Variants in VWA8 observed in about 807,000 individuals in gnomAD.
VWA8 encodes von Willebrand factor A domain-containing protein 8.
Under a neutral mutation model 241.5 loss-of-function variants are expected in VWA8, and 221 were observed. That is an observed-to-expected ratio of 0.91 (90% CI 0.82 to 1.02). The LOEUF (loss-of-function observed/expected upper bound fraction) is 1.02. VWA8 is among the 50% of genes least tolerant of loss of function. The pLI, the probability that VWA8 is intolerant of heterozygous loss-of-function variation, is 0.00. For missense variants in VWA8, 2,322 were observed against 2,328.7 expected, an observed-to-expected ratio of 1.00 and a Z score of 0.06; for synonymous variants, 852 against 827.1, an observed-to-expected ratio of 1.03 and a Z score of -0.52.
chr13:41,793,831 T>C (rs561768441), intron 17 of VWA8, among the ~76,000 whole-genome samples: 16 of 152,174 alleles, frequency 1.1e-4, no homozygotes, highest in African/African-American at 3.9e-4. Context: ...AATAAATAAA[T>C]AAATTGAAAA....
intron 29 of VWA8, among the ~76,000 whole-genome samples, chr13:41,698,330 C>T (rs2045227977): frequency 6.6e-6 from 1 of 152,008 alleles, no homozygotes; most frequent in East Asian, 1.9e-4. Context: ...AAACATTAGG[C>T]TCCTTTCTAT....
intron 21 of VWA8, 61 bp from the exon 22 acceptor site, chr13:41,732,216 T>C (rs1029890569): frequency 1.3e-6 from 2 of 1,489,770 alleles, no homozygotes; most frequent in East Asian, 4.6e-5. Flanking sequence ...TTGATCATGA[T>C]AAAAATACAG....
At chr13:41,611,302 A>G (rs2044586455) in intron 39 of VWA8, among the ~76,000 whole-genome samples, 1 of 152,202 alleles carries the variant, frequency 6.6e-6, no homozygotes, top group African/African-American at 2.4e-5. Context: ...CATTGTGTAG[A>G]CTTACCTGAA....
chr13:41,737,804 C>G (rs2045537243), intron 21 of VWA8, among the ~76,000 whole-genome samples: 1 of 151,922 alleles, frequency 6.6e-6, no homozygotes, highest in Admixed American at 6.6e-5. Context: ...TCATTTTGGA[C>G]TATACATTTT....
chr13:41,762,930 T>C (rs1434909326), intron 20 of VWA8, among the ~76,000 whole-genome samples: 1 of 152,002 alleles, frequency 6.6e-6, no homozygotes, highest in Non-Finnish European at 1.5e-5. Context: ...TGGTAAAATA[T>C]AAATGATGAC....
intron 21 of VWA8, among the ~76,000 whole-genome samples, chr13:41,734,787 G>T (rs2045512603): frequency 6.6e-6 from 1 of 152,088 alleles, no homozygotes; most frequent in Non-Finnish European, 1.5e-5. Context: ...ACTTTACAAA[G>T]AATCTAATTT....
At chr13:41,600,089 A>C (rs1294501131) in intron 40 of VWA8, among the ~76,000 whole-genome samples, 1 of 152,116 alleles carries the variant, frequency 6.6e-6, no homozygotes, top group Non-Finnish European at 1.5e-5. Context: ...ACTCATGAAT[A>C]ATGCTATTTC....
intron 19 of VWA8, among the ~76,000 whole-genome samples, chr13:41,781,074 G>A (rs574632502): frequency 6.0e-4 from 91 of 152,220 alleles, no homozygotes; most frequent in African/African-American, 2.0e-3. Flanking sequence ...GTTTCTCTTT[G>A]CCTTAGTTCT....
chr13:41,616,678 T>C (rs1035341088), intron 37 of VWA8, among the ~76,000 whole-genome samples: 11 of 152,174 alleles, frequency 7.2e-5, no homozygotes, highest in African/African-American at 2.7e-4. Flanking sequence ...AGGTGACCAA[T>C]ATGGTAGTCA....
chr13:41,691,199 C>G, intron 32 of VWA8, 121 bp downstream of exon 32: 1 of 1,273,762 alleles, frequency 7.9e-7, no homozygotes, highest in Non-Finnish European at 1.0e-6. Flanking sequence ...AGAGATGCTG[C>G]CAAACACAGA....
At position 41,816,714 on chromosome 13, in the gene VWA8, T is replaced by C. The variant is rs1220319424; in HGVS notation, c.1931A>G (p.Glu644Gly). ...TAGACTTACCGTTGGATCCTGTGTTTCTCTGAGTTTGTGTGTAAATGATAA... is the reference window on the plus strand; with the variant it reads ...TAGACTTACCGTTGGATCCTGTGTTCCTCTGAGTTTGTGTGTAAATGATAA... Reference protein sequence around the residue: ...KLLSFTHKLRETQDPTAQSLA... With the variant: ...KLLSFTHKLRGTQDPTAQSLA... Residue 644 changes from glutamate to glycine, a missense_variant, in exon 16 of 45, where the codon GAA becomes GGA. Physicochemically the swap from Glu to Gly is moderately conservative, Grantham distance 98. Coordinates refer to ENST00000379310, the MANE Select transcript of VWA8 (RefSeq NM_015058.2). 3 of 1,613,642 alleles carry C rather than the reference T, an allele frequency of 1.9e-6. No homozygotes were observed. In the South Asian group the frequency reaches 3.3e-5, roughly 18 times the overall value.
At chr13:41,617,574 T>G (rs1367632023) in intron 37 of VWA8, among the ~76,000 whole-genome samples, 1 of 152,210 alleles carries the variant, frequency 6.6e-6, no homozygotes, top group Non-Finnish European at 1.5e-5. Flanking sequence ...CATGCCATGT[T>G]GGTTTGCTGC....
intron 40 of VWA8, among the ~76,000 whole-genome samples, chr13:41,597,269 G>A (rs115038604): frequency 3.6e-4 from 55 of 152,092 alleles, no homozygotes; most frequent in African/African-American, 1.3e-3. Context: ...AAATGTGTAT[G>A]ACTCAAACAA....
intron 29 of VWA8, among the ~76,000 whole-genome samples, chr13:41,695,732 AGGG>A (rs1367267031): frequency 6.6e-6 from 1 of 152,174 alleles, no homozygotes; most frequent in African/African-American, 2.4e-5. Flanking sequence ...CTGTGGCCAA[AGGG>A]GTAAGTAAGG....
intron 21 of VWA8, among the ~76,000 whole-genome samples, chr13:41,752,535 G>A (rs879625978): frequency 1.3e-5 from 2 of 152,102 alleles, no homozygotes; most frequent in Non-Finnish European, 2.9e-5. Flanking sequence ...GATATTAGGC[G>A]AATGAATTAA....
intron 21 of VWA8, among the ~76,000 whole-genome samples, chr13:41,742,667 C>A (rs960458412): frequency 1.3e-5 from 2 of 152,136 alleles, no homozygotes; most frequent in African/African-American, 4.8e-5. Flanking sequence ...GCAATGTAAT[C>A]GATACACTTT....
At chr13:41,768,863 T>C (rs547932296) in intron 20 of VWA8, among the ~76,000 whole-genome samples, 88 of 152,208 alleles carry the variant, frequency 5.8e-4, no homozygotes, top group Non-Finnish European at 1.0e-3. Context: ...CCAGGCTTTG[T>C]TTTGATGCTG....
intron 4 of VWA8, among the ~76,000 whole-genome samples, chr13:41,902,195 T>C (rs1390461952): frequency 1.3e-5 from 2 of 152,050 alleles, no homozygotes; most frequent in Non-Finnish European, 2.9e-5. Context: ...ACCTATCTGA[T>C]GAAATATTGT....
At chr13:41,885,679 G>A (rs1874492544) in intron 8 of VWA8, among the ~76,000 whole-genome samples, 1 of 152,194 alleles carries the variant, frequency 6.6e-6, no homozygotes, top group Non-Finnish European at 1.5e-5. Context: ...CCTTCCCTCT[G>A]TAGAACTTTA....
Sources: gnomAD v4.1 joint callset for allele counts (sites outside exome capture counted in the v4.1 genomes callset) on GRCh38, gnomAD v4.1.1 for gene constraint, MANE v1.5 for transcripts, NCBI Gene and HGNC (gene_info 2026-07-23, HGNC 2026-07-21) for gene names.